Variants in RPL39 observed in about 807,000 individuals in gnomAD.
RPL39 encodes the protein ribosomal protein L39.
For missense variants in RPL39, 6 were observed against 37.2 expected (o/e 0.16, Z 2.18); for synonymous variants, 8 against 11.4 (o/e 0.70, Z 0.60).
At chrX:119,787,371 G>C in intron 2 of RPL39, 1 of 374,724 alleles carries the variant, frequency 2.7e-6, no homozygotes, top group Non-Finnish European at 5.2e-6. Context: ...ATGTCAATCT[G>C]TCATGATTTT....
chrX:119,791,626 G>C lies in RPL39; in HGVS notation c.-50C>G. ...ACCACGATGGCGGAGAAAGGAAGAG[G>C]AGGGAAGCTGGCGGAAGAACGAGCT... On this transcript the variant is annotated 5_prime_UTR_variant, in exon 1 of 3. Coordinates refer to ENST00000361575, the MANE Select transcript of RPL39 (RefSeq NM_001000.4). The C allele has an allele frequency of 8.8e-7, 1 of 1,136,403 alleles. No individual in the cohort carries two copies. Among genetic ancestry groups the C allele is most frequent in the Non-Finnish European group, 1.2e-6 (1 of 853,295 alleles). The allele number at this position is 1,136,403 out of a possible 1,213,427, so 93.7% of individuals were successfully genotyped here. A position where few individuals can be genotyped will look rare whatever the true frequency, so the allele number is the denominator to read the frequency against.
At chrX:119,787,233 C>G (rs916451448) in intron 2 of RPL39, 5 of 273,870 alleles carry the variant, frequency 1.8e-5, no homozygotes, top group Non-Finnish European at 3.4e-5. Flanking sequence ...GAGATCCACC[C>G]GCCTCGTCCT....
At chrX:119,790,903 C>G (rs913103898) in intron 1 of RPL39, 9 of 111,354 alleles carry the variant, frequency 8.1e-5, no homozygotes, top group African/African-American at 2.9e-4. Context: ...AATTACTTGA[C>G]AAGTAATAAA....
At chrX:119,791,041 G>C (rs1417112949) in intron 1 of RPL39, 1 of 124,630 alleles carries the variant, frequency 8.0e-6, no homozygotes, top group African/African-American at 3.3e-5. Context: ...AACACCCCTT[G>C]TTCTAGGCGC....
chrX:119,790,754 T>C (rs1352585693), intron 1 of RPL39: 3 of 111,458 alleles, frequency 2.7e-5, no homozygotes, highest in East Asian at 2.8e-4. Flanking sequence ...TCTTGCAAAA[T>C]TGGCACGGAT....
At chrX:119,789,872 T>C in intron 2 of RPL39, 36 bp downstream of exon 2, 1 of 829,050 alleles carries the variant, frequency 1.2e-6, no homozygotes, top group Non-Finnish European at 1.8e-6. Flanking sequence ...GGCTCTTACA[T>C]TTAGCAAAAT....
Position 119,791,602 on chromosome X carries a change from C to A in RPL39, c.-26G>T, listed in dbSNP as rs749094374. On this transcript the variant is annotated 5_prime_UTR_variant, in exon 1 of 3. Coordinates refer to ENST00000361575, the MANE Select transcript of RPL39 (RefSeq NM_001000.4). ...GGCGAGCAGCGGAGTCAAGAACACA[C>A]CACGATGGCGGAGAAAGGAAGAGGA... 6 of 1,170,072 alleles carry A rather than the reference C, an allele frequency of 5.1e-6. No individual in the cohort carries two copies. In the South Asian group the frequency reaches 5.9e-5, roughly 12 times the overall value.
At chrX:119,787,170 A>G (rs1407556844) in intron 2 of RPL39, 3 of 252,804 alleles carry the variant, frequency 1.2e-5, no homozygotes, top group Non-Finnish European at 2.2e-5. Context: ...TATTTTTAGT[A>G]GAGGCAGGGT....
chrX:119,788,535 A>G (rs750328809), intron 2 of RPL39, among the ~76,000 whole-genome samples: 1 of 110,026 alleles, frequency 9.1e-6, no homozygotes, highest in East Asian at 2.8e-4. Flanking sequence ...CCATCTCAAA[A>G]AAAAAAAAAA....
chrX:119,789,086 G>C (rs913582120), intron 2 of RPL39, among the ~76,000 whole-genome samples: 2 of 111,030 alleles, frequency 1.8e-5, no homozygotes, highest in Non-Finnish European at 3.8e-5. Context: ...GCAACACAGA[G>C]AGACCCCATC....
In RPL39 at chrX:119,786,516, G is replaced by A; in HGVS notation, c.*168C>T. ...AATACAACAGCAATTAAAAAGAAAG[G>A]CCTTACATATTTATTACTGAATCCA... On this transcript the variant is annotated 3_prime_UTR_variant, in exon 3 of 3. Transcript: ENST00000361575. The A allele has an allele frequency of 2.3e-6, 1 of 432,708 alleles. No individual in the cohort carries two copies. Among genetic ancestry groups the A allele is most frequent in the South Asian group, 4.3e-5 (1 of 23,342 alleles). The allele number at this position is 432,708 out of a possible 1,213,427, so 35.7% of individuals were successfully genotyped here.
chrX:119,787,037 CACAG>C (rs1246568677), intron 2 of RPL39, among the ~76,000 whole-genome samples: 5 of 112,147 alleles, frequency 4.5e-5, no homozygotes, highest in African/African-American at 1.3e-4. Flanking sequence ...CCTGGAGGTA[CACAG>C]ACATACTCTG....
At chrX:119,791,133 C>G in intron 1 of RPL39, 1 of 139,593 alleles carries the variant, frequency 7.2e-6, no homozygotes. Flanking sequence ...TTCGCTTCTC[C>G]ACGCCAAGCT....
chrX:119,788,949 CT>C (rs2055683416), intron 2 of RPL39, among the ~76,000 whole-genome samples: 1 of 112,000 alleles, frequency 8.9e-6, no homozygotes, highest in South Asian at 3.7e-4. Flanking sequence ...CTTTTCTAGT[CT>C]CTTTTTAGAA....
In RPL39 at chrX:119,786,655, AAT is replaced by A. The variant is rs746710936; in HGVS notation, c.*27_*28del. Reference sequence around the variant, plus strand: ...ATGATCGTGACCTTCAGACAGCATAAATATGTGTGCCATCTCATGTGCAATTC... The same window carrying A: ...ATGATCGTGACCTTCAGACAGCATAAATGTGTGCCATCTCATGTGCAATTC... On this transcript the variant is annotated 3_prime_UTR_variant, in exon 3 of 3. Coordinates refer to ENST00000361575, the MANE Select transcript of RPL39 (RefSeq NM_001000.4). 8.9e-4 allele frequency: 984 copies of A among 1,100,212 alleles called. No individual in the cohort carries two copies. Among genetic ancestry groups the A allele is most frequent in the Non-Finnish European group, 1.1e-3 (897 of 799,099 alleles). 90.7% of individuals were successfully genotyped at this position (1,100,212 alleles called of 1,213,427 possible). A position where few individuals can be genotyped will look rare whatever the true frequency, so the allele number is the denominator to read the frequency against.
At chrX:119,788,786 G>C (rs1351764893) in intron 2 of RPL39, among the ~76,000 whole-genome samples, 1 of 111,652 alleles carries the variant, frequency 9.0e-6, no homozygotes, top group Non-Finnish European at 1.9e-5. Flanking sequence ...CAGGACCAAA[G>C]AGCGATGGGC....
Position 119,786,634 on chromosome X carries a change from T to G in RPL39, c.*50A>C, listed in dbSNP as rs1318632033. 2 of 951,526 alleles carry G rather than the reference T, an allele frequency of 2.1e-6. No homozygotes were observed. The highest frequency in any genetic ancestry group is 3.9e-5 in the African/African-American group (2 of 51,528). 78.4% of individuals were successfully genotyped at this position (951,526 alleles called of 1,213,427 possible). ...TTTTCAGCTTGATATGGTAACATGA[T>G]CGTGACCTTCAGACAGCATAAATAT... On this transcript the variant is annotated 3_prime_UTR_variant, in exon 3 of 3. Transcript: ENST00000361575.
intron 2 of RPL39, among the ~76,000 whole-genome samples, chrX:119,788,851 A>G (rs2055682778): frequency 8.9e-6 from 1 of 112,576 alleles, no homozygotes; most frequent in Non-Finnish European, 1.9e-5. Flanking sequence ...GAGTTAGTCT[A>G]GATGACCTTG....
In RPL39 at chrX:119,786,515, G is replaced by A. The variant is rs1000635674; in HGVS notation, c.*169C>T. On this transcript the variant is annotated 3_prime_UTR_variant, in exon 3 of 3. Transcript: ENST00000361575. ...CAATACAACAGCAATTAAAAAGAAA[G>A]GCCTTACATATTTATTACTGAATCC... 1.2e-5 allele frequency: 5 copies of A among 424,216 alleles called. No individual in the cohort carries two copies. Among genetic ancestry groups the A allele is most frequent in the Admixed American group, 4.4e-5 (1 of 22,667 alleles). 35.0% of individuals were successfully genotyped at this position (424,216 alleles called of 1,213,427 possible).
Sources: allele counts gnomAD v4.1 joint callset (sites outside exome capture counted in the v4.1 genomes callset), GRCh38; gene constraint gnomAD v4.1.1; transcripts MANE v1.5; gene names NCBI Gene and HGNC (gene_info 2026-07-23, HGNC 2026-07-21).